The following MYRFL variants were observed in gnomAD, a reference collection of about 807,000 sequenced individuals.
The protein encoded by MYRFL is myelin regulatory factor like.
MYRFL carries 88 observed loss-of-function variants against 109.4 expected under a neutral mutation model. The observed-to-expected ratio is 0.80, with a 90% CI of 0.68 to 0.96. The LOEUF is 0.96. Among genes scored for constraint, MYRFL ranks in the 40% least tolerant of loss-of-function variants. The pLI, the probability that MYRFL is intolerant of heterozygous loss-of-function variation, is 0.00. For missense variants in MYRFL, 957 were observed against 954.9 expected (o/e 1.00, Z -0.03); for synonymous variants, 324 against 320.9 (o/e 1.01, Z -0.10).
chr12:69,856,575 A>G (rs1043118520), intron 2 of MYRFL, among the ~76,000 whole-genome samples: 1 of 152,028 alleles, frequency 6.6e-6, no homozygotes, highest in Non-Finnish European at 1.5e-5. Flanking sequence ...TGAGTTTAAA[A>G]TTGTTTTTAT....
At chr12:69,947,580 C>T (rs1592893699) in intron 19 of MYRFL, among the ~76,000 whole-genome samples, 1 of 152,038 alleles carries the variant, frequency 6.6e-6, no homozygotes, top group African/African-American at 2.4e-5. Flanking sequence ...TTTAAGTAGA[C>T]AGGAGAGTTA....
At chr12:69,882,707 C>T (rs1350374704) in intron 5 of MYRFL, among the ~76,000 whole-genome samples, 1 of 152,170 alleles carries the variant, frequency 6.6e-6, no homozygotes, top group Non-Finnish European at 1.5e-5. Flanking sequence ...CAGGCTTCTA[C>T]CAGCTGGTTC....
chr12:69,921,920 C>CTT (rs1265698107), intron 13 of MYRFL, among the ~76,000 whole-genome samples: 2 of 151,904 alleles, frequency 1.3e-5, no homozygotes, highest in Non-Finnish European at 2.9e-5. Context: ...TTAGAGGGGA[C>CTT]TTTATTATAA....
intron 2 of MYRFL, among the ~76,000 whole-genome samples, chr12:69,855,572 G>A (rs555233216): frequency 5.3e-5 from 8 of 152,062 alleles, no homozygotes; most frequent in East Asian, 3.8e-4. Context: ...ACCTCCACCC[G>A]CAAATTCAGT....
chr12:69,891,369 CA>C (rs1437137028), intron 7 of MYRFL, among the ~76,000 whole-genome samples: 3 of 152,204 alleles, frequency 2.0e-5, no homozygotes, highest in Non-Finnish European at 4.4e-5. Flanking sequence ...TTAACTGGGC[CA>C]TTTTCAAGAA....
chr12:69,940,725 AG>A (rs1955616263), intron 19 of MYRFL, among the ~76,000 whole-genome samples: 1 of 148,650 alleles, frequency 6.7e-6, no homozygotes, highest in African/African-American at 2.5e-5. Flanking sequence ...TCCAATTAAA[AG>A]ACACAGACTG....
rs551129877 is a variant in MYRFL at position 69,900,047 on chromosome 12, T to C, written c.1182+2801T>C. 5.3e-5 allele frequency among the ~76,000 whole-genome samples: 8 copies of C among 152,220 alleles called. No individual in the cohort carries two copies. The South Asian group carries it at 1.7e-3, about 32-fold the overall frequency. ...GCAGTGTTGCAAGCAGGAGGGATGA[T>C]TACTTTTGTCTGCCTTTCAAAGACA... On this transcript the variant is annotated intron_variant, in intron 10 of 24. Transcript: ENST00000552032.
intron 1 of MYRFL, among the ~76,000 whole-genome samples, chr12:69,842,497 C>T (rs551687540): frequency 6.6e-6 from 1 of 152,104 alleles, no homozygotes. Context: ...AATTTTTGCC[C>T]TAGAAAGGCT....
intron 1 of MYRFL, among the ~76,000 whole-genome samples, chr12:69,830,584 C>A (rs1639624670): frequency 6.6e-6 from 1 of 151,742 alleles, no homozygotes; most frequent in South Asian, 2.1e-4. Context: ...GCAGGGACTT[C>A]CCAGGAGACT....
intron 2 of MYRFL, among the ~76,000 whole-genome samples, chr12:69,855,617 A>G (rs11177907): frequency 0.11 from 17,229 of 152,200 alleles, 1,253 homozygotes; most frequent in Middle Eastern, 0.18. Flanking sequence ...CAGGTTATCT[A>G]TTGATAGTAA....
chr12:69,881,181 G>T (rs920456209), intron 5 of MYRFL, among the ~76,000 whole-genome samples: 6 of 152,028 alleles, frequency 3.9e-5, no homozygotes, highest in Non-Finnish European at 7.4e-5. Flanking sequence ...AGTTGCCCAG[G>T]CTGGTCTTGA....
intron 13 of MYRFL, among the ~76,000 whole-genome samples, chr12:69,925,257 A>G (rs1214974953): frequency 6.6e-6 from 1 of 152,168 alleles, no homozygotes; most frequent in Non-Finnish European, 1.5e-5. Context: ...GGGGGCCTCA[A>G]CAGATCTGTG....
intron 16 of MYRFL, among the ~76,000 whole-genome samples, chr12:69,933,690 T>G (rs757827751): frequency 6.6e-6 from 1 of 152,158 alleles, no homozygotes; most frequent in Non-Finnish European, 1.5e-5. Flanking sequence ...ACCTTTGCAC[T>G]TTTCTTAGTC....
At chr12:69,935,938 A>AT in intron 16 of MYRFL, 175 bp from the exon 17 acceptor site, 1 of 702,592 alleles carries the variant, frequency 1.4e-6, no homozygotes, top group Admixed American at 3.1e-5. Context: ...GCAGAAAAGC[A>AT]TAACTGTGCT....
chr12:69,906,340 T>C (rs952113526), intron 11 of MYRFL, among the ~76,000 whole-genome samples: 1 of 152,086 alleles, frequency 6.6e-6, no homozygotes, highest in African/African-American at 2.4e-5. Context: ...TGCCCAGCCA[T>C]TGGCATCGTG....
rs73136746 is a variant in MYRFL, at chr12:69,936,705, A to T, written c.2224+73A>T. Reference sequence around the variant, plus strand: ...GTTTTTCTTGTCACAATTTACTTAGATGGTCATTAATGGTTCCAGATAATG... The same window carrying T: ...GTTTTTCTTGTCACAATTTACTTAGTTGGTCATTAATGGTTCCAGATAATG... On this transcript the variant is annotated intron_variant, in intron 19 of 24. Transcript: ENST00000552032. The T allele has an allele frequency of 4.3e-5, 56 of 1,302,220 alleles. No homozygotes were observed. In the African/African-American group the frequency reaches 6.6e-4, roughly 15 times the overall value. 80.7% of individuals were successfully genotyped at this position (1,302,220 alleles called of 1,614,324 possible).
chr12:69,881,484 AAC>A (rs772683058), intron 5 of MYRFL, among the ~76,000 whole-genome samples: 1 of 152,198 alleles, frequency 6.6e-6, no homozygotes, highest in Non-Finnish European at 1.5e-5. Context: ...AGTGGGAAAA[AAC>A]ACAGTCTCTC....
At chr12:69,846,184 G>C (rs1249071247) in intron 1 of MYRFL, among the ~76,000 whole-genome samples, 1 of 85,552 alleles carries the variant, frequency 1.2e-5, no homozygotes. Context: ...TTTTTTGTTT[G>C]TTTGTTTGTT....
At position 69,957,896 on chromosome 12, in the gene MYRFL, C is replaced by A. The variant is rs1956129983; in HGVS notation, c.2525C>A (p.Thr842Asn). 6.5e-7 allele frequency: 1 copy of A among 1,535,140 alleles called. No homozygotes were observed. The highest frequency in any genetic ancestry group is 1.2e-5 in the South Asian group (1 of 83,942). ...GNICFHSKRG[T>N]KGLESHREIS... ...ATATGTTTCCATAGTAAAAGGGGAA[C>A]CAAAGGGCTGGAAAGCCACAGAGAA... Residue 842 changes from threonine to asparagine, a missense_variant, in exon 23 of 25, where the codon ACC (threonine) becomes AAC (asparagine). Coordinates refer to ENST00000552032, the MANE Select transcript of MYRFL (RefSeq NM_182530.3).
Sources: gnomAD v4.1 joint callset for allele counts (sites outside exome capture counted in the v4.1 genomes callset) on GRCh38, gnomAD v4.1.1 for gene constraint, MANE v1.5 for transcripts, NCBI Gene and HGNC (gene_info 2026-07-23, HGNC 2026-07-21) for gene names.